The following CDH18 variants were observed in gnomAD, a reference collection of about 807,000 sequenced individuals.
CDH18 encodes the protein cadherin-18.
A neutral mutation model predicts 67.9 loss-of-function variants in CDH18; 31 were observed. That is an observed-to-expected ratio of 0.46 (90% CI 0.34 to 0.62). CDH18 has a LOEUF of 0.62. CDH18 is among the 20% of genes least tolerant of loss of function. The pLI is 0.01. For synonymous variants in CDH18, 362 were observed against 347.2 expected, an observed-to-expected ratio of 1.04 and a Z score of -0.48; for missense variants, 890 against 975.5, an observed-to-expected ratio of 0.91 and a Z score of 1.17.
intron 1 of CDH18, among the ~76,000 whole-genome samples, chr5:20,463,313 A>G (rs1751402525): frequency 6.6e-6 from 1 of 151,918 alleles, no homozygotes; most frequent in Non-Finnish European, 1.5e-5. Flanking sequence ...AAAAAAAAAA[A>G]GAGACAACTG....
At chr5:20,194,004 G>T (rs1393534484) in intron 2 of CDH18, among the ~76,000 whole-genome samples, 1 of 152,068 alleles carries the variant, frequency 6.6e-6, no homozygotes, top group Non-Finnish European at 1.5e-5. Context: ...TACTGAATGA[G>T]CAAAAGCTGG....
intron 5 of CDH18, among the ~76,000 whole-genome samples, chr5:19,630,689 C>T (rs4400126): frequency 0.72 from 109,682 of 151,990 alleles, 40,027 homozygotes; most frequent in South Asian, 0.8. Context: ...CCTAAGGCAG[C>T]CTATAAAGTA....
At chr5:19,974,520 C>CAAA (rs70954626) in intron 2 of CDH18, among the ~76,000 whole-genome samples, 16 of 78,262 alleles carry the variant, frequency 2.0e-4, no homozygotes, top group Non-Finnish European at 2.6e-4. Context: ...TCCTGTCTCC[C>CAAA]AAAAAAAAAA....
chr5:20,561,587 A>G (rs1419507793), intron 1 of CDH18, among the ~76,000 whole-genome samples: 1 of 152,150 alleles, frequency 6.6e-6, no homozygotes, highest in African/African-American at 2.4e-5. Flanking sequence ...TGCCAGGGGT[A>G]AGGGTGGAAG....
intron 1 of CDH18, among the ~76,000 whole-genome samples, chr5:20,490,227 C>A (rs1038814327): frequency 3.9e-5 from 6 of 152,030 alleles, no homozygotes; most frequent in African/African-American, 1.4e-4. Context: ...AAAGGCTTTA[C>A]AGATTTATGG....
chr5:20,185,011 A>G (rs1737980494), intron 2 of CDH18, among the ~76,000 whole-genome samples: 1 of 152,114 alleles, frequency 6.6e-6, no homozygotes, highest in Non-Finnish European at 1.5e-5. Flanking sequence ...ATTCACATTT[A>G]TCTTACTCCA....
intron 1 of CDH18, among the ~76,000 whole-genome samples, chr5:20,553,852 CA>C (rs200545075): frequency 5.4e-4 from 82 of 151,044 alleles, no homozygotes; most frequent in East Asian, 2.3e-3. Context: ...CTCTAGACCA[CA>C]AAAAAAAATC....
intron 3 of CDH18, among the ~76,000 whole-genome samples, chr5:19,791,844 T>A (rs143344425): frequency 3.3e-4 from 51 of 152,340 alleles, no homozygotes; most frequent in African/African-American, 1.2e-3. Context: ...TTACACTAGC[T>A]GAAGTAAGTC....
intron 3 of CDH18, among the ~76,000 whole-genome samples, chr5:19,789,202 G>A (rs1427396987): frequency 2.0e-5 from 3 of 152,166 alleles, no homozygotes; most frequent in African/African-American, 7.2e-5. Context: ...GTCTGCAAAA[G>A]CTGACTGTTT....
In CDH18 at chr5:19,624,322, TA is replaced by T. The variant is rs569041135; in HGVS notation, c.644-11722del. Reference sequence around the variant, plus strand: ...ACCCTGGCTGCCATACTCATTAATCTAAAAAGACATGGCCACTTTCCAGCAA... The same window carrying T: ...ACCCTGGCTGCCATACTCATTAATCTAAAAGACATGGCCACTTTCCAGCAA... On this transcript the variant is annotated intron_variant, in intron 5 of 12. Coordinates refer to ENST00000382275, the MANE Select transcript of CDH18 (RefSeq NM_004934.5). 1.3e-3 allele frequency among the ~76,000 whole-genome samples: 197 copies of T among 152,176 alleles called. 1 individual carries two copies. The highest frequency in any genetic ancestry group is 4.6e-3 in the African/African-American group (191 of 41,538).
intron 1 of CDH18, among the ~76,000 whole-genome samples, chr5:20,336,212 C>A (rs1169725104): frequency 1.3e-5 from 2 of 152,052 alleles, no homozygotes; most frequent in Non-Finnish European, 2.9e-5. Context: ...CCTCTCAGCT[C>A]CAAGCAGCTA....
chr5:19,630,616 T>C (rs933749803), intron 5 of CDH18, among the ~76,000 whole-genome samples: 9 of 152,244 alleles, frequency 5.9e-5, no homozygotes, highest in Admixed American at 3.9e-4. Flanking sequence ...TCACTAGTCA[T>C]TCAATATTTT....
At chr5:19,755,427 G>GTATATATA (rs1373982305) in intron 3 of CDH18, among the ~76,000 whole-genome samples, 6,054 of 44,452 alleles carry the variant, frequency 0.14, 1,935 homozygotes, top group Middle Eastern at 0.23. Flanking sequence ...AACTAACAGG[G>GTATATATA]TATGTATATA....
chr5:20,471,833 T>TAAA (rs70954659), intron 1 of CDH18, among the ~76,000 whole-genome samples: 7 of 51,500 alleles, frequency 1.4e-4, no homozygotes, highest in East Asian at 1.1e-3. Flanking sequence ...AGATTCAGTC[T>TAAA]AAAAAAAAAA....
chr5:19,638,293 A>C (rs1753459281), intron 5 of CDH18, among the ~76,000 whole-genome samples: 1 of 152,154 alleles, frequency 6.6e-6, no homozygotes, highest in Admixed American at 6.5e-5. Context: ...CTCAATCCTC[A>C]CCAGAGGATA....
At chr5:20,224,315 T>C (rs1204736951) in intron 2 of CDH18, among the ~76,000 whole-genome samples, 3 of 152,156 alleles carry the variant, frequency 2.0e-5, no homozygotes, top group Non-Finnish European at 2.9e-5. Flanking sequence ...GGTTATTTTG[T>C]AATAGAGCAG....
At chr5:19,818,825 G>A (rs1265621607) in intron 3 of CDH18, among the ~76,000 whole-genome samples, 1 of 152,140 alleles carries the variant, frequency 6.6e-6, no homozygotes, top group Non-Finnish European at 1.5e-5. Flanking sequence ...TGACTGAAAT[G>A]TCATTATGTG....
At chr5:19,850,539 T>C (rs1783562642) in intron 2 of CDH18, among the ~76,000 whole-genome samples, 1 of 151,802 alleles carries the variant, frequency 6.6e-6, no homozygotes, top group Non-Finnish European at 1.5e-5. Flanking sequence ...AGTCTGATTC[T>C]CCTGTCCTTG....
intron 2 of CDH18, among the ~76,000 whole-genome samples, chr5:20,168,118 C>T (rs1030397589): frequency 6.6e-6 from 1 of 152,064 alleles, no homozygotes; most frequent in African/African-American, 2.4e-5. Flanking sequence ...GCTGAGGTCC[C>T]CCACTTTTTT....
Sources: gnomAD v4.1 joint callset for allele counts (sites outside exome capture counted in the v4.1 genomes callset) on GRCh38, gnomAD v4.1.1 for gene constraint, MANE v1.5 for transcripts, NCBI Gene and HGNC (gene_info 2026-07-23, HGNC 2026-07-21) for gene names.